Variants in AHCTF1 observed in about 807,000 individuals in gnomAD.
AHCTF1 encodes protein ELYS.
AHCTF1 carries 24 observed loss-of-function variants against 248.4 expected under a neutral mutation model. That is an observed-to-expected ratio of 0.10 (90% CI 0.07 to 0.14). AHCTF1 has a LOEUF of 0.14. Among genes scored for constraint, AHCTF1 ranks in the 10% least tolerant of loss-of-function variants. The pLI is 1.00. For missense variants in AHCTF1, 2,206 were observed against 2,636.2 expected, an observed-to-expected ratio of 0.84 and a Z score of 3.57; for synonymous variants, 786 against 929.8, an observed-to-expected ratio of 0.85 and a Z score of 2.81.
rs201805140 is a variant in AHCTF1 at position 246,888,378 on chromosome 1, A to C, written c.2268+16T>G. 8 of 1,612,806 alleles carry C rather than the reference A, an allele frequency of 5.0e-6. No homozygotes were observed. The South Asian group carries it at 7.7e-5, about 16-fold the overall frequency. ...CTTTGTAGACTCTAAATGATAGCACATTACTGCAAACCTACATGCAGACTA... is the reference window on the plus strand; with the variant it reads ...CTTTGTAGACTCTAAATGATAGCACCTTACTGCAAACCTACATGCAGACTA... On this transcript the variant is annotated intron_variant, in intron 18 of 35. Transcript: ENST00000648844.
intron 21 of AHCTF1, among the ~76,000 whole-genome samples, chr1:246,884,307 A>C (rs1663657860): frequency 6.7e-6 from 1 of 148,244 alleles, no homozygotes; most frequent in South Asian, 2.1e-4. Flanking sequence ...TTCTGTGTCT[A>C]ATCAATCTAT....
rs1042871278 is a variant in AHCTF1 at position 246,864,131 on chromosome 1, C to T, written c.3348-15G>A. ...AATCTAGCAGTCTGTAATCAGAATG[C>T]GCATTTATTGAGTTATACTGAAAAA... is the stretch of plus-strand genomic sequence containing the variant. On this transcript the variant is annotated splice_polypyrimidine_tract_variant and intron_variant, in intron 26 of 35. Coordinates refer to ENST00000648844, the MANE Select transcript of AHCTF1 (RefSeq NM_001323342.2). 1.5e-5 allele frequency: 24 copies of T among 1,609,508 alleles called. No individual in the cohort carries two copies. Among genetic ancestry groups the T allele is most frequent in the East Asian group, 1.3e-4 (6 of 44,838 alleles).
intron 21 of AHCTF1, among the ~76,000 whole-genome samples, chr1:246,879,114 A>G (rs1319033872): frequency 1.3e-5 from 2 of 152,238 alleles, no homozygotes; most frequent in African/African-American, 4.8e-5. Context: ...AAGCGGCTAT[A>G]AATCAGTAAG....
chr1:246,915,329 A>AC (rs1666068401), intron 3 of AHCTF1, among the ~76,000 whole-genome samples: 1 of 152,118 alleles, frequency 6.6e-6, no homozygotes. Flanking sequence ...TCTGTCTCAA[A>AC]AACAAAAAAA....
At chr1:246,926,908 C>A (rs970256948) in intron 1 of AHCTF1, among the ~76,000 whole-genome samples, 1 of 152,076 alleles carries the variant, frequency 6.6e-6, no homozygotes, top group Non-Finnish European at 1.5e-5. Context: ...GCCGCGGTGG[C>A]ACACGCCTGT....
intron 12 of AHCTF1, among the ~76,000 whole-genome samples, chr1:246,896,982 C>T (rs1664627172): frequency 6.6e-6 from 1 of 152,124 alleles, no homozygotes; most frequent in African/African-American, 2.4e-5. Context: ...ACATTATTAC[C>T]TATAGTTTAT....
Position 246,860,930 on chromosome 1 carries a change from T to C in AHCTF1, c.4101A>G (p.Glu1367=). 1 of 1,612,024 alleles carries C rather than the reference T, an allele frequency of 6.2e-7. No homozygotes were observed. Among genetic ancestry groups the C allele is most frequent in the Non-Finnish European group, 8.5e-7 (1 of 1,178,168 alleles). ...GTTTCTGTAGGTCTGAAGGAGTTAC[T>C]TCTGATGCAAATACATCTTTATCTC... ...KDGDKDVFAS[E]VTPSDLQKQM... is the part of the protein sequence containing the mutation. Residue 1367 remains glutamate, a synonymous_variant, in exon 29 of 36, where the codon GAA becomes GAG. Transcript: ENST00000648844.
rs1224276388 is a variant in AHCTF1, at chr1:246,888,237, TAAAAC to T, written c.2269-9_2269-5del. On this transcript the variant is annotated splice_region_variant and splice_polypyrimidine_tract_variant and intron_variant, in intron 18 of 35. Coordinates refer to ENST00000648844, the MANE Select transcript of AHCTF1 (RefSeq NM_001323342.2). ...ATAGGTACATATCAAGTACTGCCTA[TAAAAC>T]AAAGGGATAAAACCTTCAGTGGATC... The T allele has an allele frequency of 6.2e-7, 1 of 1,614,094 alleles. No individual in the cohort carries two copies. Among genetic ancestry groups the T allele is most frequent in the Non-Finnish European group, 8.5e-7 (1 of 1,179,950 alleles).
intron 30 of AHCTF1, among the ~76,000 whole-genome samples, chr1:246,857,105 C>T (rs1661164403): frequency 6.6e-6 from 1 of 152,172 alleles, no homozygotes; most frequent in Admixed American, 6.5e-5. Flanking sequence ...AGCTGACTTT[C>T]CGTAAAGGAG....
At position 246,894,114 on chromosome 1, in the gene AHCTF1, G is replaced by T. The variant is rs191013572; in HGVS notation, c.1804+545C>A. On this transcript the variant is annotated intron_variant, in intron 14 of 35. Coordinates refer to ENST00000648844, the MANE Select transcript of AHCTF1 (RefSeq NM_001323342.2). ...AGCTACTCAGGAGGCTGAGGCAGGAGGATGACTTGGGCTCAAAAAGTCAAG... is the reference window on the plus strand; with the variant it reads ...AGCTACTCAGGAGGCTGAGGCAGGATGATGACTTGGGCTCAAAAAGTCAAG... Among the ~76,000 whole-genome samples the T allele has an allele frequency of 3.3e-5, 5 of 152,236 alleles. No homozygotes were observed. The South Asian group carries it at 8.3e-4, about 25-fold the overall frequency.
rs568203468 is a variant in AHCTF1, at chr1:246,912,134, G to C, written c.556+1098C>G. On this transcript the variant is annotated intron_variant, in intron 4 of 35. Coordinates refer to ENST00000648844, the MANE Select transcript of AHCTF1 (RefSeq NM_001323342.2). ...GTTGATAGTTTGTATCTATTTCTGA[G>C]CTGCTCCATAAATGAAAAGAGCTAC... Among the ~76,000 whole-genome samples, 4 of 151,994 alleles carry C rather than the reference G, an allele frequency of 2.6e-5. No individual in the cohort carries two copies. The South Asian group carries it at 8.3e-4, about 32-fold the overall frequency.
chr1:246,910,652 C>T (rs1459544859), intron 4 of AHCTF1, among the ~76,000 whole-genome samples: 1 of 152,180 alleles, frequency 6.6e-6, no homozygotes, highest in African/African-American at 2.4e-5. Flanking sequence ...AACTCAGACT[C>T]ATATATTAAT....
chr1:246,869,087 G>A (rs112542991), intron 24 of AHCTF1, among the ~76,000 whole-genome samples: 33,452 of 150,290 alleles, frequency 0.22, 4,019 homozygotes, highest in Middle Eastern at 0.33. Flanking sequence ...CTCGTGATCC[G>A]CCCGCCTTGG....
chr1:246,892,956 T>C (rs1279484253), intron 14 of AHCTF1, among the ~76,000 whole-genome samples: 5 of 152,178 alleles, frequency 3.3e-5, no homozygotes, highest in Admixed American at 6.5e-5. Flanking sequence ...TCTAATACTT[T>C]TAAAACACTT....
At chr1:246,931,388 T>C in intron 1 of AHCTF1, 190 bp downstream of exon 1, 1 of 1,509,056 alleles carries the variant, frequency 6.6e-7, no homozygotes, top group South Asian at 1.3e-5. Context: ...GAGCCTGCCG[T>C]ACCCGCCACC....
intron 10 of AHCTF1, among the ~76,000 whole-genome samples, 168 bp downstream of exon 10, chr1:246,899,897 T>G (rs540808172): frequency 6.9e-4 from 102 of 147,020 alleles, no homozygotes; most frequent in Middle Eastern, 3.4e-3. Flanking sequence ...ATAAAACATA[T>G]AAATACTAAG....
chr1:246,904,120 T>C (rs189073335), intron 6 of AHCTF1, 87 bp from the exon 7 acceptor site: 86 of 1,142,886 alleles, frequency 7.5e-5, no homozygotes, highest in Non-Finnish European at 1.0e-4. Flanking sequence ...TTGCTTGCAA[T>C]GTTGAGTGCA....
intron 14 of AHCTF1, among the ~76,000 whole-genome samples, chr1:246,893,742 G>T (rs1664375331): frequency 6.6e-6 from 1 of 152,210 alleles, no homozygotes; most frequent in Non-Finnish European, 1.5e-5. Flanking sequence ...AGTGAGTTAA[G>T]TACAGAAACT....
Position 246,860,953 on chromosome 1 carries a change from C to T in AHCTF1, c.4078G>A (p.Asp1360Asn), listed in dbSNP as rs1661494308. Reference protein sequence around the residue: ...NVTEQTEKDGDKDVFASEVTP... With the variant: ...NVTEQTEKDGNKDVFASEVTP... ...ACTTCTGATGCAAATACATCTTTAT[C>T]TCCATCCTTTTCAGTTTGTTCAGTT... The change falls in exon 29 of 36, where the codon GAT becomes AAT. Residue 1360 changes from aspartate (D) to asparagine (N), a missense_variant. Transcript: ENST00000648844. The T allele has an allele frequency of 6.2e-7, 1 of 1,613,452 alleles. No homozygotes were observed. The highest frequency in any genetic ancestry group is 1.3e-5 in the African/African-American group (1 of 74,900).
Sources: allele counts gnomAD v4.1 joint callset (sites outside exome capture counted in the v4.1 genomes callset), GRCh38; gene constraint gnomAD v4.1.1; transcripts MANE v1.5; gene names NCBI Gene and HGNC (gene_info 2026-07-23, HGNC 2026-07-21).